Variants in BTAF1 observed in about 807,000 individuals in gnomAD.
BTAF1 encodes TATA-binding protein-associated factor 172.
BTAF1 carries 38 observed loss-of-function variants against 227.1 expected under a neutral mutation model. That is an observed-to-expected ratio of 0.17 (90% CI 0.13 to 0.22). BTAF1 has a LOEUF of 0.22. Ranked by LOEUF, BTAF1 falls within the 10% of genes least tolerant of loss-of-function variation. The pLI is 1.00. For synonymous variants in BTAF1, 742 were observed against 751.9 expected (o/e 0.99, Z 0.21); for missense variants, 1,598 against 2,204.0 (o/e 0.73, Z 5.51).
At chr10:91,991,271 A>AATATATATATATATATATATATATAT (rs3980612) in intron 20 of BTAF1, among the ~76,000 whole-genome samples, 7 of 66,226 alleles carry the variant, frequency 1.1e-4, no homozygotes, top group East Asian at 9.1e-4. Flanking sequence ...TATAAATATA[A>AATATATATATATATATATATATATAT]ATATATATAT....
In BTAF1 at chr10:91,942,555, A is replaced by G; in HGVS notation, c.387A>G (p.Gln129=). ...CTGCTGGTGCCGAATTTGAAGTCCA[A>G]GATGAAAAATCAGGTCTGTAGTGGT... ...LGSAGAEFEV[Q]DEKSGEVDPK... Residue 129 remains glutamine (Q), a synonymous_variant, in exon 4 of 38, where the codon CAA becomes CAG. Transcript: ENST00000265990. 1 of 1,614,120 alleles carries G rather than the reference A, an allele frequency of 6.2e-7. No individual in the cohort carries two copies. The highest frequency in any genetic ancestry group is 1.1e-5 in the South Asian group (1 of 91,078).
At chr10:91,948,317 A>G (rs2133844628) in intron 4 of BTAF1, among the ~76,000 whole-genome samples, 1 of 152,124 alleles carries the variant, frequency 6.6e-6, no homozygotes, top group Admixed American at 6.6e-5. Context: ...TGTTAAGTCT[A>G]TCCAGTGGTT....
intron 25 of BTAF1, among the ~76,000 whole-genome samples, chr10:92,004,408 G>A (rs1849742788): frequency 6.6e-6 from 1 of 152,128 alleles, no homozygotes; most frequent in South Asian, 2.1e-4. Flanking sequence ...CATTTGTAAT[G>A]CTGGAAATAA....
intron 25 of BTAF1, among the ~76,000 whole-genome samples, chr10:92,001,553 T>C (rs184748421): frequency 3.9e-5 from 6 of 152,290 alleles, no homozygotes; most frequent in African/African-American, 7.2e-5. Context: ...AAAAGGCTGA[T>C]TTGGATCTTC....
At chr10:91,934,858 C>G (rs1001775627) in intron 1 of BTAF1, among the ~76,000 whole-genome samples, 1 of 152,204 alleles carries the variant, frequency 6.6e-6, no homozygotes, top group South Asian at 2.1e-4. Flanking sequence ...AAATTATTTT[C>G]TACCACTAAG....
chr10:91,953,683 A>G (rs1449191194), intron 5 of BTAF1, 54 bp from the exon 6 acceptor site: 11 of 1,578,364 alleles, frequency 7.0e-6, no homozygotes, highest in Non-Finnish European at 9.5e-6. Flanking sequence ...CTGAGACTAT[A>G]GGTACTTATT....
intron 37 of BTAF1, among the ~76,000 whole-genome samples, chr10:92,027,882 C>T (rs1210489510): frequency 6.6e-6 from 1 of 152,034 alleles, no homozygotes; most frequent in East Asian, 1.9e-4. Context: ...TCAGAAAATC[C>T]ACTGCATACT....
At chr10:91,991,789 GTGTGTGTGTATATATATATATATATA>G (rs1379840935) in intron 20 of BTAF1, among the ~76,000 whole-genome samples, 62 of 77,812 alleles carry the variant, frequency 8.0e-4, no homozygotes, top group African/African-American at 4.0e-3. Flanking sequence ...GTGTGTGTGT[GTGTGTGTGTATATATATATATATATA>G]TATATATATA....
intron 2 of BTAF1, among the ~76,000 whole-genome samples, chr10:91,938,574 A>T (rs1844786116): frequency 6.6e-6 from 1 of 152,224 alleles, no homozygotes; most frequent in Non-Finnish European, 1.5e-5. Flanking sequence ...TCAGTTGACC[A>T]TAGACACAGG....
chr10:91,962,126 A>G (rs1336422079), intron 11 of BTAF1, among the ~76,000 whole-genome samples: 1 of 152,202 alleles, frequency 6.6e-6, no homozygotes, highest in Non-Finnish European at 1.5e-5. Flanking sequence ...TGTTTCAGTC[A>G]ATGATGGGCC....
chr10:91,959,172 A>G lies in BTAF1; in HGVS notation c.990+18A>G. ...TAGAAGAGGTAAGTGTATTAATGCA[A>G]CAATTATCACCAAGTATTAATAGTT... On this transcript the variant is annotated intron_variant, in intron 9 of 37. Transcript: ENST00000265990. The G allele has an allele frequency of 1.9e-6, 3 of 1,613,742 alleles. No individual in the cohort carries two copies. Among genetic ancestry groups the G allele is most frequent in the Non-Finnish European group, 2.5e-6 (3 of 1,179,840 alleles).
Position 92,024,940 on chromosome 10 carries a change from C to T in BTAF1, c.5048C>T (p.Pro1683Leu). ...TTGAGATTAGATGGCAGCATACCTC[C>T]TGGTCAGAGGCATTCCATTGTTTCC... is the stretch of plus-strand genomic sequence containing the variant. Reference protein sequence around the residue: ...TYLRLDGSIPPGQRHSIVSRF... With the variant: ...TYLRLDGSIPLGQRHSIVSRF... The change falls in exon 35 of 38, where the codon CCT becomes CTT. Residue 1683 changes from proline (P) to leucine (L), a missense_variant. This residue lies in a region of BTAF1 where 205 missense variants were observed against 244.5 expected (regional missense o/e 0.84). Transcript: ENST00000265990. 6.2e-7 allele frequency: 1 copy of T among 1,614,078 alleles called. No individual in the cohort carries two copies. Among genetic ancestry groups the T allele is most frequent in the Non-Finnish European group, 8.5e-7 (1 of 1,179,996 alleles).
chr10:92,017,347 A>G (rs987166555), intron 33 of BTAF1, among the ~76,000 whole-genome samples: 6 of 152,336 alleles, frequency 3.9e-5, no homozygotes, highest in African/African-American at 1.4e-4. Context: ...AAGTCAGATC[A>G]TGCCTCATAT....
chr10:91,961,932 T>TTGTG (rs1160317529), intron 11 of BTAF1, among the ~76,000 whole-genome samples: 7 of 151,972 alleles, frequency 4.6e-5, no homozygotes, highest in African/African-American at 1.7e-4. Flanking sequence ...GCAGAGGGGT[T>TTGTG]TGTGTGTGTG....
At chr10:91,985,190 T>C (rs1286473372) in intron 19 of BTAF1, among the ~76,000 whole-genome samples, 1 of 152,166 alleles carries the variant, frequency 6.6e-6, no homozygotes, top group East Asian at 1.9e-4. Context: ...CCCCCGAAGA[T>C]ACATTACTTT....
intron 2 of BTAF1, among the ~76,000 whole-genome samples, chr10:91,937,710 C>T (rs1051286770): frequency 1.3e-5 from 2 of 152,046 alleles, no homozygotes; most frequent in African/African-American, 4.8e-5. Context: ...GTTGTTTTCA[C>T]TTTTTGGCTA....
At chr10:91,926,628 T>G (rs1843851789) in intron 1 of BTAF1, among the ~76,000 whole-genome samples, 1 of 152,190 alleles carries the variant, frequency 6.6e-6, no homozygotes, top group Admixed American at 6.5e-5. Flanking sequence ...TCCAATCTTT[T>G]GAAAATACAC....
intron 34 of BTAF1, among the ~76,000 whole-genome samples, chr10:92,023,330 C>G (rs1041417617): frequency 2.6e-5 from 4 of 152,128 alleles, no homozygotes; most frequent in Non-Finnish European, 5.9e-5. Flanking sequence ...GTTATCTTTC[C>G]TATCAGAGCT....
chr10:91,932,004 A>C (rs538608273), intron 1 of BTAF1, among the ~76,000 whole-genome samples: 2 of 152,292 alleles, frequency 1.3e-5, no homozygotes, highest in Admixed American at 6.5e-5. Flanking sequence ...CTGATCTGCT[A>C]CCCTCAGGGC....
Sources: allele counts gnomAD v4.1 joint callset (sites outside exome capture counted in the v4.1 genomes callset), GRCh38; gene constraint gnomAD v4.1.1; regional missense constraint gnomAD v4.1.1; transcripts MANE v1.5; gene names NCBI Gene and HGNC (gene_info 2026-07-23, HGNC 2026-07-21).